Variants in PTPRG observed in about 807,000 individuals in gnomAD.
PTPRG encodes the protein receptor-type tyrosine-protein phosphatase gamma.
In PTPRG, 102 loss-of-function variants were observed where a neutral mutation model predicts 165.3. The observed-to-expected ratio is 0.62, with a 90% CI of 0.53 to 0.73. The LOEUF (loss-of-function observed/expected upper bound fraction) is 0.73. PTPRG is among the 30% of genes least tolerant of loss of function. The pLI is 0.00. For synonymous variants in PTPRG, 675 were observed against 669.5 expected (o/e 1.01, Z -0.13); for missense variants, 1,866 against 1,861.4 (o/e 1.00, Z -0.05).
intron 2 of PTPRG, among the ~76,000 whole-genome samples, chr3:61,896,748 C>T (rs560935386): frequency 6.6e-6 from 1 of 152,164 alleles, no homozygotes; most frequent in Non-Finnish European, 1.5e-5. Flanking sequence ...TAATTTTTTA[C>T]TTTAGCCTTT....
At chr3:62,117,602 T>C (rs897038216) in intron 5 of PTPRG, among the ~76,000 whole-genome samples, 5 of 152,188 alleles carry the variant, frequency 3.3e-5, no homozygotes, top group African/African-American at 1.2e-4. Context: ...TATCAGTCAT[T>C]CCACAAAGAT....
At chr3:62,072,641 GTGTGTT>G (rs1163329215) in intron 4 of PTPRG, among the ~76,000 whole-genome samples, 9 of 150,992 alleles carry the variant, frequency 6.0e-5, no homozygotes, top group African/African-American at 2.2e-4. Flanking sequence ...GTGTGTGTGT[GTGTGTT>G]TTATGTATAT....
intron 1 of PTPRG, among the ~76,000 whole-genome samples, chr3:61,718,826 T>A (rs1424404655): frequency 6.6e-6 from 1 of 152,216 alleles, no homozygotes; most frequent in Non-Finnish European, 1.5e-5. Context: ...TTCCCATTTG[T>A]AATAGAAGCA....
chr3:61,934,303 C>T (rs2039433853), intron 2 of PTPRG, among the ~76,000 whole-genome samples: 2 of 152,038 alleles, frequency 1.3e-5, no homozygotes, highest in South Asian at 4.1e-4. Context: ...AAGTAATCTG[C>T]AGAGTGGATT....
At chr3:62,289,942 G>A (rs937410293) in intron 28 of PTPRG, among the ~76,000 whole-genome samples, 6 of 151,958 alleles carry the variant, frequency 3.9e-5, no homozygotes, top group East Asian at 1.9e-4. Context: ...GGGAAAGTTC[G>A]CATTATTGGC....
intron 2 of PTPRG, among the ~76,000 whole-genome samples, chr3:61,975,427 G>T (rs1297521019): frequency 6.6e-6 from 1 of 152,174 alleles, no homozygotes; most frequent in Non-Finnish European, 1.5e-5. Context: ...TCTCAAAACA[G>T]TTTCCTTGAC....
intron 2 of PTPRG, among the ~76,000 whole-genome samples, chr3:61,796,624 C>T (rs1455519428): frequency 1.3e-5 from 2 of 152,134 alleles, no homozygotes; most frequent in African/African-American, 2.4e-5. Flanking sequence ...GTTTGTTGCC[C>T]GCACCTTTGC....
At chr3:61,899,549 CT>C (rs2038446904) in intron 2 of PTPRG, among the ~76,000 whole-genome samples, 1 of 152,216 alleles carries the variant, frequency 6.6e-6, no homozygotes, top group African/African-American at 2.4e-5. Flanking sequence ...TTCAGTCTTG[CT>C]TGGAACATTG....
At chr3:61,663,278 A>G (rs1435240092) in intron 1 of PTPRG, among the ~76,000 whole-genome samples, 1 of 152,252 alleles carries the variant, frequency 6.6e-6, no homozygotes. Flanking sequence ...AGGTAGGGAC[A>G]TGTCTGTATT....
chr3:61,798,359 CA>C (rs1353451617), intron 2 of PTPRG, among the ~76,000 whole-genome samples: 1 of 152,198 alleles, frequency 6.6e-6, no homozygotes, highest in Non-Finnish European at 1.5e-5. Flanking sequence ...CCGTATGTGA[CA>C]GTAAATGACA....
chr3:62,277,484 T>G, intron 25 of PTPRG, 67 bp from the exon 26 acceptor site: 1 of 1,529,248 alleles, frequency 6.5e-7, no homozygotes, highest in Non-Finnish European at 8.9e-7. Context: ...CATGAATATA[T>G]TTTACTACCA....
At chr3:62,008,244 G>A (rs1440145135) in intron 4 of PTPRG, among the ~76,000 whole-genome samples, 4 of 152,330 alleles carry the variant, frequency 2.6e-5, no homozygotes, top group Non-Finnish European at 5.9e-5. Context: ...GAAACCTCCA[G>A]ATAAAACCTT....
chr3:62,208,427 A>T (rs1295638815), intron 12 of PTPRG, among the ~76,000 whole-genome samples: 1 of 152,120 alleles, frequency 6.6e-6, no homozygotes, highest in Non-Finnish European at 1.5e-5. Flanking sequence ...TTGTTTCCTT[A>T]AATTAGGGAA....
At chr3:61,642,710 A>G (rs1353749122) in intron 1 of PTPRG, among the ~76,000 whole-genome samples, 1 of 152,196 alleles carries the variant, frequency 6.6e-6, no homozygotes, top group Non-Finnish European at 1.5e-5. Flanking sequence ...ATCATGCTAT[A>G]TGTGGTAGAA....
At chr3:62,040,105 T>C (rs1700077299) in intron 4 of PTPRG, among the ~76,000 whole-genome samples, 1 of 152,274 alleles carries the variant, frequency 6.6e-6, no homozygotes, top group Non-Finnish European at 1.5e-5. Flanking sequence ...GTCCTGCATC[T>C]GTGTATAAAA....
chr3:62,190,266 C>G lies in PTPRG; in HGVS notation c.1034-1203C>G, dbSNP rs962152438. ...TAGCAGATGGAGGCCAGGGATGCTG[C>G]TATACAGTACACAGGACAGTCCCCA... On this transcript the variant is annotated intron_variant, in intron 8 of 29. Transcript: ENST00000474889. The surrounding 1 kb of genome is among the most constrained non-coding windows in gnomAD (Gnocchi z 5.2). 6.6e-6 allele frequency among the ~76,000 whole-genome samples: 1 copy of G among 152,162 alleles called. No homozygotes were observed. Among genetic ancestry groups the G allele is most frequent in the Non-Finnish European group, 1.5e-5 (1 of 68,042 alleles).
chr3:61,713,169 T>C (rs1010124836), intron 1 of PTPRG, among the ~76,000 whole-genome samples: 102 of 151,902 alleles, frequency 6.7e-4, no homozygotes, highest in African/African-American at 2.4e-3. Flanking sequence ...AATATGTTTT[T>C]TTTTTTTTTT....
In PTPRG at chr3:62,152,249, A is replaced by C. The variant is rs74500906; in HGVS notation, c.683-4818A>C. On this transcript the variant is annotated intron_variant, in intron 6 of 29. Transcript: ENST00000474889. ...TAGGCAGGCATGGTGATACAAGCCT[A>C]TAGTCCTAGCTACTCAGGAAGCTGA... 2.2e-3 allele frequency among the ~76,000 whole-genome samples: 339 copies of C among 151,542 alleles called. 2 individuals carry two copies. The highest frequency in any genetic ancestry group is 7.7e-3 in the African/African-American group (319 of 41,240).
intron 2 of PTPRG, among the ~76,000 whole-genome samples, chr3:61,879,484 C>T (rs1000396751): frequency 2.6e-5 from 4 of 151,698 alleles, no homozygotes; most frequent in Admixed American, 1.3e-4. Context: ...TTTTTTTAAA[C>T]GAAATTGTTT....
Sources: gnomAD v4.1 joint callset for allele counts (sites outside exome capture counted in the v4.1 genomes callset) on GRCh38, gnomAD v4.1.1 for gene constraint, Gnocchi (gnomAD v3.1) non-coding constraint, MANE v1.5 for transcripts, NCBI Gene and HGNC (gene_info 2026-07-23, HGNC 2026-07-21) for gene names.